Variants in STK32A observed in about 807,000 individuals in gnomAD.
STK32A encodes serine/threonine kinase 32A, also known as serine/threonine-protein kinase 32A.
Under a neutral mutation model 53.2 loss-of-function variants are expected in STK32A, and 41 were observed. The ratio of observed to expected loss-of-function variants is 0.77; its 90% CI spans 0.60 to 1.00. STK32A has a LOEUF of 1.00. Ranked by LOEUF, STK32A falls within the 50% of genes least tolerant of loss-of-function variation. The pLI, the probability that STK32A is intolerant of heterozygous loss-of-function variation, is 0.00. For missense variants in STK32A, 458 were observed against 485.8 expected, an observed-to-expected ratio of 0.94 and a Z score of 0.54; for synonymous variants, 166 against 162.8, an observed-to-expected ratio of 1.02 and a Z score of -0.15.
chr5:147,319,482 T>G (rs1754191973), intron 4 of STK32A, among the ~76,000 whole-genome samples: 1 of 152,098 alleles, frequency 6.6e-6, no homozygotes, highest in Non-Finnish European at 1.5e-5. Context: ...AAATCTGCCT[T>G]TGGAAACCAT....
chr5:147,248,036 G>A (rs547122670), intron 2 of STK32A, among the ~76,000 whole-genome samples: 15 of 149,828 alleles, frequency 1.0e-4, no homozygotes, highest in East Asian at 3.9e-4. Flanking sequence ...CAGGAGAATT[G>A]CTTGAATGCA....
the STK32A span, chr5:147,400,881 C>G: frequency 1.9e-6 from 3 of 1,594,104 alleles, no homozygotes; most frequent in South Asian, 3.4e-5. Context: ...TGGCTGGAGG[C>G]ACACTGGGAG....
chr5:147,274,285 T>C (rs1755161746), intron 2 of STK32A, among the ~76,000 whole-genome samples: 2 of 152,142 alleles, frequency 1.3e-5, no homozygotes, highest in Admixed American at 1.3e-4. Flanking sequence ...CCACATACCC[T>C]AGCCCAGCCC....
At chr5:147,325,983 G>C (rs952338474) in intron 5 of STK32A, among the ~76,000 whole-genome samples, 2 of 152,116 alleles carry the variant, frequency 1.3e-5, no homozygotes, top group African/African-American at 4.8e-5. Flanking sequence ...TTTCCTGTTT[G>C]AAATTGGGTT....
intron 4 of STK32A, among the ~76,000 whole-genome samples, chr5:147,284,162 T>A (rs74877634): frequency 2.9e-3 from 449 of 152,266 alleles, no homozygotes; most frequent in African/African-American, 0.01. Context: ...ACAGAATTTT[T>A]AAAAAAATCA....
chr5:147,319,295 A>G (rs1754177574), intron 4 of STK32A, among the ~76,000 whole-genome samples: 1 of 151,790 alleles, frequency 6.6e-6, no homozygotes, highest in African/African-American at 2.4e-5. Context: ...GGTGCATGCC[A>G]CCACCCCCGG....
At chr5:147,254,597 G>A (rs1245594399) in intron 2 of STK32A, among the ~76,000 whole-genome samples, 1 of 152,202 alleles carries the variant, frequency 6.6e-6, no homozygotes, top group Non-Finnish European at 1.5e-5. Flanking sequence ...CAAGGGAGGA[G>A]AAGGGGTTCT....
At chr5:147,308,113 A>G (rs138467312) in intron 4 of STK32A, among the ~76,000 whole-genome samples, 4,466 of 150,252 alleles carry the variant, frequency 0.03, 103 homozygotes, top group Non-Finnish European at 0.042. Context: ...TCTTTTTAAA[A>G]TATCAAATTT....
chr5:147,301,724 G>T (rs1753147118), intron 4 of STK32A, among the ~76,000 whole-genome samples: 1 of 152,144 alleles, frequency 6.6e-6, no homozygotes, highest in African/African-American at 2.4e-5. Flanking sequence ...GGTGGCTTGA[G>T]ACATCATAGA....
At chr5:147,312,603 T>C (rs146436501) in intron 4 of STK32A, among the ~76,000 whole-genome samples, 1 of 152,316 alleles carries the variant, frequency 6.6e-6, no homozygotes, top group African/African-American at 2.4e-5. Flanking sequence ...GGTGCATTTT[T>C]TCTTTGGAAA....
chr5:147,315,801 C>G (rs1214026950), intron 4 of STK32A, among the ~76,000 whole-genome samples: 1 of 152,112 alleles, frequency 6.6e-6, no homozygotes, highest in Non-Finnish European at 1.5e-5. Flanking sequence ...TTACAGAAGA[C>G]AGGGATAACA....
chr5:147,239,785 G>T, intron 2 of STK32A, 99 bp downstream of exon 2: 1 of 914,994 alleles, frequency 1.1e-6, no homozygotes, highest in South Asian at 1.6e-5. Flanking sequence ...TGGTCTGTAG[G>T]GCCTTGAAGG....
chr5:147,282,797 A>G (rs1367642181), intron 4 of STK32A, among the ~76,000 whole-genome samples: 1 of 152,190 alleles, frequency 6.6e-6, no homozygotes, highest in South Asian at 2.1e-4. Flanking sequence ...TTTATAAAAC[A>G]ATTACTAATT....
intron 5 of STK32A, among the ~76,000 whole-genome samples, chr5:147,339,191 T>A (rs1349108260): frequency 6.6e-6 from 1 of 152,092 alleles, no homozygotes; most frequent in East Asian, 1.9e-4. Flanking sequence ...GCTTTCGTAG[T>A]CTCAGGACTT....
At chr5:147,372,870 T>A (rs1191566435) in intron 9 of STK32A, among the ~76,000 whole-genome samples, 1 of 152,170 alleles carries the variant, frequency 6.6e-6, no homozygotes, top group African/African-American at 2.4e-5. Context: ...CCACTTTTTT[T>A]AAACACATGG....
At chr5:147,381,161 G>C (rs1353420200) in intron 11 of STK32A, among the ~76,000 whole-genome samples, 1 of 152,072 alleles carries the variant, frequency 6.6e-6, no homozygotes, top group Non-Finnish European at 1.5e-5. Flanking sequence ...TTCAAGAACA[G>C]TTCTGCCAGA....
chr5:147,280,409 C>G (rs997118755), intron 4 of STK32A, among the ~76,000 whole-genome samples: 3 of 1,154 alleles, frequency 2.6e-3, no homozygotes, highest in African/African-American at 0.013. Flanking sequence ...GCTGTGTTGG[C>G]GGGGGAGGGG....
chr5:147,400,085 G>C, the STK32A span, among the ~76,000 whole-genome samples: 1 of 152,256 alleles, frequency 6.6e-6, no homozygotes, highest in Admixed American at 6.5e-5. Flanking sequence ...GAAACATAGA[G>C]CAGTAATCAA....
At chr5:147,328,768 C>G (rs1033061850) in intron 5 of STK32A, among the ~76,000 whole-genome samples, 3 of 152,124 alleles carry the variant, frequency 2.0e-5, no homozygotes, top group Non-Finnish European at 2.9e-5. Context: ...ATTGCCTCAG[C>G]CTCTCCAATG....
Sources: gnomAD v4.1 joint callset for allele counts (sites outside exome capture counted in the v4.1 genomes callset) on GRCh38, gnomAD v4.1.1 for gene constraint, MANE v1.5 for transcripts, NCBI Gene and HGNC (gene_info 2026-07-23, HGNC 2026-07-21) for gene names.